Variants in WWP2 observed in about 807,000 individuals in gnomAD.
WWP2 encodes NEDD4-like E3 ubiquitin-protein ligase WWP2.
A neutral mutation model predicts 121.0 loss-of-function variants in WWP2; 57 were observed. The observed-to-expected ratio is 0.47, with a 90% confidence interval of 0.38 to 0.59. WWP2 has a LOEUF of 0.59. WWP2 is among the 20% of genes least tolerant of loss of function. The pLI, the probability that WWP2 is intolerant of heterozygous loss-of-function variation, is 0.00. For missense variants in WWP2, 962 were observed against 1,158.9 expected, an observed-to-expected ratio of 0.83 and a Z score of 2.47; for synonymous variants, 449 against 441.3, an observed-to-expected ratio of 1.02 and a Z score of -0.22.
chr16:69,871,821 G>T lies in WWP2; in HGVS notation c.593G>T (p.Gly198Val). The T allele has an allele frequency of 1.2e-6, 2 of 1,614,068 alleles. No individual in the cohort carries two copies. Among genetic ancestry groups the T allele is most frequent in the South Asian group, 1.1e-5 (1 of 91,078 alleles). ...GGRSRTHRHS[G>V]ASARTTPATG... The stretch of plus-strand genomic sequence containing the variant: ...ACCCCCAGGACGCACAGACATTCGG[G>T]TGCTTCAGCCAGAACAACCCCAGCA... The change falls in exon 7 of 24, where the codon GGT (glycine) becomes GTT (valine). Residue 198 changes from glycine to valine, a missense_variant. Physicochemically the swap from Gly to Val is moderately radical, Grantham distance 109. Around this residue, in one of 3 missense-constraint regions of WWP2, gnomAD observed 211 missense variants for 196.5 expected, o/e 1.07. Transcript: ENST00000359154.
chr16:69,919,032 T>TG (rs748141348), intron 10 of WWP2, among the ~76,000 whole-genome samples: 1 of 130,210 alleles, frequency 7.7e-6, no homozygotes, highest in Non-Finnish European at 1.6e-5. Flanking sequence ...TTAGTAGAGA[T>TG]GGGGTTTTGC....
chr16:69,912,290 T>G (rs1461587957), intron 9 of WWP2, among the ~76,000 whole-genome samples: 1 of 141,828 alleles, frequency 7.1e-6, no homozygotes, highest in Non-Finnish European at 1.5e-5. Flanking sequence ...AGACTCCATC[T>G]CAAAAAAAAA....
intron 4 of WWP2, among the ~76,000 whole-genome samples, chr16:69,806,949 T>C (rs540196202): frequency 3.8e-4 from 55 of 146,244 alleles, no homozygotes; most frequent in African/African-American, 9.9e-4. Flanking sequence ...TTTATTTATT[T>C]ATTTATTCAT....
rs144078365 is a variant in WWP2 at position 69,763,990 on chromosome 16, T to C, written c.-16+1599T>C. 1.2e-3 allele frequency among the ~76,000 whole-genome samples: 183 copies of C among 152,314 alleles called. 1 individual carries two copies. The highest frequency in any genetic ancestry group is 4.1e-3 in the African/African-American group (172 of 41,576). On this transcript the variant is annotated intron_variant, in intron 1 of 23. Coordinates refer to ENST00000359154, the MANE Select transcript of WWP2 (RefSeq NM_001270454.2). ...CAGTCTCTTTCACTTCATGATTACT[T>C]TCCCATTTACAAAGAGCGTATACCA... is the stretch of plus-strand genomic sequence containing the variant.
intron 1 of WWP2, among the ~76,000 whole-genome samples, chr16:69,771,674 C>T (rs1163051676): frequency 6.6e-6 from 1 of 152,190 alleles, no homozygotes; most frequent in African/African-American, 2.4e-5. Flanking sequence ...TTGTCAATTG[C>T]TGAAAAACAA....
chr16:69,778,192 A>ATTT (rs57651000), intron 1 of WWP2, among the ~76,000 whole-genome samples: 3,992 of 125,540 alleles, frequency 0.032, 113 homozygotes, highest in East Asian at 0.061. Flanking sequence ...ATATATATAT[A>ATTT]TTTTTTTTTT....
At chr16:69,770,617 C>T (rs1459358943) in intron 1 of WWP2, among the ~76,000 whole-genome samples, 1 of 152,116 alleles carries the variant, frequency 6.6e-6, no homozygotes, top group African/African-American at 2.4e-5. Flanking sequence ...CTAAGAACCT[C>T]GATTTATAGC....
At chr16:69,824,089 T>C (rs1490280718) in intron 4 of WWP2, among the ~76,000 whole-genome samples, 1 of 152,200 alleles carries the variant, frequency 6.6e-6, no homozygotes, top group Non-Finnish European at 1.5e-5. Context: ...CTTCATCTGG[T>C]GTTTGGGCCT....
At chr16:69,818,603 A>G (rs1395554065) in intron 4 of WWP2, among the ~76,000 whole-genome samples, 2 of 152,144 alleles carry the variant, frequency 1.3e-5, no homozygotes, top group African/African-American at 2.4e-5. Context: ...TGCTAAACCC[A>G]ATGGTCACTT....
intron 6 of WWP2, among the ~76,000 whole-genome samples, chr16:69,862,662 GATAGAAAAGTA>G: frequency 6.9e-6 from 1 of 145,946 alleles, no homozygotes; most frequent in African/African-American, 2.5e-5. Flanking sequence ...CTTTTACCAA[GATAGAAAAGTA>G]TGCTTGGAAC....
chr16:69,840,386 C>A, intron 5 of WWP2, 123 bp downstream of exon 5: 1 of 1,343,996 alleles, frequency 7.4e-7, no homozygotes, highest in Non-Finnish European at 1.0e-6. Context: ...CAGCCTGGCC[C>A]ATAGCTAGCC....
intron 4 of WWP2, among the ~76,000 whole-genome samples, chr16:69,820,253 A>G (rs143199505): frequency 0.013 from 1,912 of 151,822 alleles, 20 homozygotes; most frequent in Non-Finnish European, 0.02. Flanking sequence ...TGTTATTATT[A>G]TTTTTTTGAG....
chr16:69,934,153 C>T (rs2058761232), intron 17 of WWP2, 24 bp downstream of exon 17: 1 of 1,612,498 alleles, frequency 6.2e-7, no homozygotes, highest in Non-Finnish European at 8.5e-7. Context: ...AGGGGTCTGC[C>T]TAGTTCCCTC....
chr16:69,836,009 G>A (rs1454626092), intron 4 of WWP2, among the ~76,000 whole-genome samples: 1 of 151,966 alleles, frequency 6.6e-6, no homozygotes, highest in Non-Finnish European at 1.5e-5. Flanking sequence ...CACCATGTTG[G>A]CCAGGCTGAT....
Position 69,840,278 on chromosome 16 carries a change from GC to G in WWP2, c.478+16del. On this transcript the variant is annotated intron_variant, in intron 5 of 23. Transcript: ENST00000359154. ...CCTGACAGATGGTGAGTGCCGCCCT[GC>G]TCCTCAGGACTGTGCCGGGACAGGG... 1 of 1,613,748 alleles carries G rather than the reference GC, an allele frequency of 6.2e-7. No homozygotes were observed. Among genetic ancestry groups the G allele is most frequent in the South Asian group, 1.1e-5 (1 of 91,058 alleles).
Position 69,930,236 on chromosome 16 carries a change from C to A in WWP2, c.1423C>A (p.Pro475Thr). Residue 475 changes from proline to threonine, a missense_variant, in exon 13 of 24, where the codon CCT becomes ACT. This residue lies in a region of WWP2 where 606 missense variants were observed against 772.6 expected (regional missense o/e 0.78). Coordinates refer to ENST00000359154, the MANE Select transcript of WWP2 (RefSeq NM_001270454.2). ...HNTRTTTFKDPRPGFESGTKQ... is the reference protein window; with the variant it reads ...HNTRTTTFKDTRPGFESGTKQ... ...TACCCGCACCACCACCTTTAAGGATCCTCGCCCGGGGTTTGAGTCGGGGTA... is the reference window on the plus strand; with the variant it reads ...TACCCGCACCACCACCTTTAAGGATACTCGCCCGGGGTTTGAGTCGGGGTA... The A allele has an allele frequency of 1.2e-6, 2 of 1,613,894 alleles. No individual in the cohort carries two copies. Among genetic ancestry groups the A allele is most frequent in the Non-Finnish European group, 1.7e-6 (2 of 1,179,916 alleles).
At chr16:69,816,294 A>C (rs2056488605) in intron 4 of WWP2, among the ~76,000 whole-genome samples, 2 of 151,934 alleles carry the variant, frequency 1.3e-5, no homozygotes, top group Admixed American at 1.3e-4. Context: ...ATTAAAAATA[A>C]TTACTTAGCC....
chr16:69,836,198 C>T (rs1033815016), intron 4 of WWP2, among the ~76,000 whole-genome samples: 12 of 152,038 alleles, frequency 7.9e-5, no homozygotes, highest in Admixed American at 2.6e-4. Flanking sequence ...TCCATTTATC[C>T]CAAGAGTATT....
At chr16:69,783,335 T>C (rs544360831) in intron 1 of WWP2, among the ~76,000 whole-genome samples, 13 of 152,180 alleles carry the variant, frequency 8.5e-5, no homozygotes, top group Non-Finnish European at 1.6e-4. Flanking sequence ...TAGAGTAATA[T>C]GGTGAATTAA....
Sources: allele counts gnomAD v4.1 joint callset (sites outside exome capture counted in the v4.1 genomes callset), GRCh38; gene constraint gnomAD v4.1.1; regional missense constraint gnomAD v4.1.1; transcripts MANE v1.5; gene names NCBI Gene and HGNC (gene_info 2026-07-23, HGNC 2026-07-21).